The following CMTR1 variants were observed in gnomAD, a reference collection of about 807,000 sequenced individuals.
The protein encoded by CMTR1 is cap methyltransferase 1, also known as cap-specific mRNA (nucleoside-2'-O-)-methyltransferase 1.
CMTR1 carries 39 observed loss-of-function variants against 107.0 expected under a neutral mutation model. That is an observed-to-expected ratio of 0.36 (90% CI 0.28 to 0.48). The LOEUF (loss-of-function observed/expected upper bound fraction) is 0.48, where lower values mean the gene tolerates loss of function less well. Ranked by LOEUF, CMTR1 falls within the 20% of genes least tolerant of loss-of-function variation. The pLI is 0.99. For synonymous variants in CMTR1, 366 were observed against 379.5 expected (o/e 0.96, Z 0.41); for missense variants, 672 against 1,064.9 (o/e 0.63, Z 5.14).
chr6:37,461,629 G>A lies in CMTR1; in HGVS notation c.1176G>A (p.Leu392=), dbSNP rs145586816. The change falls in exon 11 of 24, where the codon CTG becomes CTA. Residue 392 remains leucine, a synonymous_variant. Transcript: ENST00000373451. ...TTCTGTGTCAGTTCCTCATGGCGCT[G>A]TCCATTGTCCGGACAGGTGACACTT... ...QLLLCQFLMA[L]SIVRTGGHFI... The A allele has an allele frequency of 3.5e-4, 565 of 1,608,314 alleles. 1 individual carries two copies. The African/African-American group carries it at 6.5e-3, about 19-fold the overall frequency.
intron 4 of CMTR1, among the ~76,000 whole-genome samples, chr6:37,447,814 C>T (rs1243011655): frequency 2.6e-5 from 4 of 151,244 alleles, no homozygotes; most frequent in East Asian, 2.0e-4. Flanking sequence ...GAGCAGAGAT[C>T]GTGCCACTGC....
At chr6:37,454,869 G>A (rs1396466074) in intron 8 of CMTR1, among the ~76,000 whole-genome samples, 2 of 152,216 alleles carry the variant, frequency 1.3e-5, no homozygotes, top group East Asian at 1.9e-4. Context: ...TTACAGCCAA[G>A]CCCCACAGGC....
chr6:37,465,021 C>A (rs1328035794), intron 13 of CMTR1, among the ~76,000 whole-genome samples: 1 of 150,708 alleles, frequency 6.6e-6, no homozygotes, highest in Non-Finnish European at 1.5e-5. Context: ...TGTAATCCAG[C>A]ACTTTGGGAG....
chr6:37,453,280 C>T lies in CMTR1; in HGVS notation c.745C>T (p.Arg249Cys), dbSNP rs764323434. 13 of 1,613,994 alleles carry T rather than the reference C, an allele frequency of 8.1e-6. No homozygotes were observed. Among genetic ancestry groups the T allele is most frequent in the East Asian group, 2.2e-5 (1 of 44,892 alleles). ...GGCTAACATGGATTTTGTATTTGAT[C>T]GCATGTTCACAAATCCGCGGGACTC... ...KMANMDFVFD[R>C]MFTNPRDSYG... is the part of the protein sequence containing the mutation. The change falls in exon 8 of 24, where the codon CGC becomes TGC. Residue 249 changes from arginine (R) to cysteine (C), a missense_variant. Arg to Cys is a radical substitution (Grantham distance 180). Transcript: ENST00000373451.
chr6:37,458,539 T>G lies in CMTR1; in HGVS notation c.778-73T>G. The G allele has an allele frequency of 1.1e-5, 16 of 1,453,364 alleles. No homozygotes were observed. Among genetic ancestry groups the G allele is most frequent in the Non-Finnish European group, 1.5e-5 (16 of 1,052,838 alleles). The allele number at this position is 1,453,364 out of a possible 1,614,324, so 90.0% of individuals were successfully genotyped here. A position where few individuals can be genotyped will look rare whatever the true frequency, so the allele number is the denominator to read the frequency against. Reference sequence around the variant, plus strand: ...GCCGAAAGGCTTATTTTACTCTCCCTGCATTCTCCTTCCTGTTGCCCATTG... The same window carrying G: ...GCCGAAAGGCTTATTTTACTCTCCCGGCATTCTCCTTCCTGTTGCCCATTG... On this transcript the variant is annotated intron_variant, in intron 8 of 23. Transcript: ENST00000373451. The surrounding 1 kb of genome is among the most constrained non-coding windows in gnomAD (Gnocchi z 4.7).
intron 8 of CMTR1, among the ~76,000 whole-genome samples, chr6:37,455,949 GCA>G (rs1761283981): frequency 6.6e-6 from 1 of 152,188 alleles, no homozygotes; most frequent in Admixed American, 6.5e-5. Flanking sequence ...GTCCTTAACT[GCA>G]CAGTCAGTAA....
At chr6:37,447,358 C>T (rs375313436) in intron 4 of CMTR1, among the ~76,000 whole-genome samples, 3 of 152,144 alleles carry the variant, frequency 2.0e-5, no homozygotes, top group Admixed American at 6.5e-5. Context: ...GTTCTGGGGC[C>T]GGTCTCGCTG....
At chr6:37,455,492 G>A (rs1421846132) in intron 8 of CMTR1, among the ~76,000 whole-genome samples, 3 of 152,184 alleles carry the variant, frequency 2.0e-5, no homozygotes, top group Non-Finnish European at 2.9e-5. Flanking sequence ...GACAAAGGAC[G>A]GAGGGAAATT....
At chr6:37,471,490 T>TG (rs1415380447) in intron 14 of CMTR1, among the ~76,000 whole-genome samples, 8 of 151,910 alleles carry the variant, frequency 5.3e-5, no homozygotes, top group Non-Finnish European at 8.8e-5. Context: ...TGACATCCAG[T>TG]GGGATGGGTT....
At chr6:37,461,685 T>A in intron 11 of CMTR1, 40 bp downstream of exon 11, 1 of 1,323,086 alleles carries the variant, frequency 7.6e-7, no homozygotes, top group Non-Finnish European at 1.1e-6. Flanking sequence ...CAGGACCCAC[T>A]TAGAGGCCCT....
At chr6:37,430,410 G>A (rs72853541), upstream of CMTR1, among the ~76,000 whole-genome samples, 13,169 of 150,104 alleles carry the variant, frequency 0.088, 1,024 homozygotes, top group African/African-American at 0.21. Flanking sequence ...GTGTGTGTGT[G>A]TATATATATA....
chr6:37,480,629 A>AT lies in CMTR1; in HGVS notation c.*485dup, dbSNP rs892306219. 2.0e-6 allele frequency: 2 copies of AT among 1,025,090 alleles called. No individual in the cohort carries two copies. Among genetic ancestry groups the AT allele is most frequent in the African/African-American group, 1.7e-5 (1 of 57,574 alleles). 63.5% of individuals were successfully genotyped at this position (1,025,090 alleles called of 1,614,324 possible). ...CATGAGCTGGCCAGGAGAACCTGCT[A>AT]TAAAAAAATCAAGGTTTTGTTTCTT... On this transcript the variant is annotated 3_prime_UTR_variant, in exon 24 of 24. Transcript: ENST00000373451.
chr6:37,434,676 T>C (rs1371829813), intron 1 of CMTR1, among the ~76,000 whole-genome samples: 2 of 152,046 alleles, frequency 1.3e-5, no homozygotes. Context: ...CAGGGTGGAG[T>C]GCAGTGGTGT....
intron 1 of CMTR1, 51 bp from the exon 2 acceptor site, chr6:37,435,573 C>T (rs1581724514): frequency 6.4e-7 from 1 of 1,558,498 alleles, no homozygotes; most frequent in Non-Finnish European, 8.6e-7. Context: ...CTGCTGTGAT[C>T]CCAGTGGCTG....
chr6:37,460,671 G>A (rs73409211), intron 10 of CMTR1, among the ~76,000 whole-genome samples: 1,540 of 152,206 alleles, frequency 0.01, 27 homozygotes, highest in African/African-American at 0.035. Context: ...CACCTGGGGC[G>A]TGTTTAATAG....
chr6:37,462,640 A>T (rs1465730054), intron 12 of CMTR1, among the ~76,000 whole-genome samples, 189 bp from the exon 13 acceptor site: 1 of 152,206 alleles, frequency 6.6e-6, no homozygotes, highest in East Asian at 1.9e-4. Context: ...GAGAGTAGAA[A>T]TAGAGCTCAA....
chr6:37,435,583 G>A, intron 1 of CMTR1, 41 bp from the exon 2 acceptor site: 1 of 1,575,458 alleles, frequency 6.3e-7, no homozygotes, highest in Non-Finnish European at 8.6e-7. Flanking sequence ...CCCAGTGGCT[G>A]TGACCCAAGG....
At chr6:37,464,929 TACA>T (rs1761475233) in intron 13 of CMTR1, among the ~76,000 whole-genome samples, 17 of 129,892 alleles carry the variant, frequency 1.3e-4, no homozygotes, top group African/African-American at 4.8e-4. Flanking sequence ...TGTGTGTGTG[TACA>T]GACAAACAAT....
Position 37,480,684 on chromosome 6 carries a change from G to A in CMTR1, c.*539G>A. 9.8e-7 allele frequency: 1 copy of A among 1,018,206 alleles called. No individual in the cohort carries two copies. The highest frequency in any genetic ancestry group is 1.2e-6 in the Non-Finnish European group (1 of 851,570). 63.1% of individuals were successfully genotyped at this position (1,018,206 alleles called of 1,614,324 possible). A position where few individuals can be genotyped will look rare whatever the true frequency, so the allele number is the denominator to read the frequency against. The stretch of plus-strand genomic sequence containing the variant: ...CTTACTCTGTTTTGATGCCAAATTG[G>A]AGACCATTTTCTTGTCTCCTTCCCC... On this transcript the variant is annotated 3_prime_UTR_variant, in exon 24 of 24. Coordinates refer to ENST00000373451, the MANE Select transcript of CMTR1 (RefSeq NM_015050.3).
Sources: allele counts gnomAD v4.1 joint callset (sites outside exome capture counted in the v4.1 genomes callset), GRCh38; gene constraint gnomAD v4.1.1; non-coding constraint Gnocchi (gnomAD v3.1); transcripts MANE v1.5; gene names NCBI Gene and HGNC (gene_info 2026-07-23, HGNC 2026-07-21).